Variants in DNA2 observed in about 807,000 individuals in gnomAD.
DNA2 encodes the protein DNA replication ATP-dependent helicase/nuclease DNA2.
DNA2 carries 101 observed loss-of-function variants against 119.1 expected under a neutral mutation model. The observed-to-expected ratio is 0.85, with a 90% CI of 0.72 to 1.00. DNA2 has a LOEUF of 1.00. DNA2 is among the 50% of genes least tolerant of loss of function. The pLI is 0.00. For synonymous variants in DNA2, 366 were observed against 424.4 expected, an observed-to-expected ratio of 0.86 and a Z score of 1.69; for missense variants, 1,121 against 1,255.5, an observed-to-expected ratio of 0.89 and a Z score of 1.62.
chr10:68,440,031 C>A (rs1258835155), intron 9 of DNA2, among the ~76,000 whole-genome samples: 1 of 151,272 alleles, frequency 6.6e-6, no homozygotes, highest in Non-Finnish European at 1.5e-5. Flanking sequence ...TGGCTGGGTG[C>A]AGTGGCTCAC....
chr10:68,439,511 G>A lies in DNA2; in HGVS notation c.1416-2270C>T, dbSNP rs568706922. Among the ~76,000 whole-genome samples the A allele has an allele frequency of 2.6e-3, 393 of 151,926 alleles. 2 individuals are homozygous for A. Among genetic ancestry groups the A allele is most frequent in the African/African-American group, 9.0e-3 (374 of 41,436 alleles). On this transcript the variant is annotated intron_variant, in intron 9 of 20. Coordinates refer to ENST00000358410, the MANE Select transcript of DNA2 (RefSeq NM_001080449.3). Reference sequence around the variant, plus strand: ...GAGATCAGGAGATCAAGACCATCCTGGCTAACACGGTGAAACCCCGTTTCT... The same window carrying A: ...GAGATCAGGAGATCAAGACCATCCTAGCTAACACGGTGAAACCCCGTTTCT...
chr10:68,453,057 C>T (rs571257196), intron 5 of DNA2, among the ~76,000 whole-genome samples: 12 of 151,882 alleles, frequency 7.9e-5, no homozygotes, highest in African/African-American at 2.7e-4. Flanking sequence ...TGCACCACCA[C>T]GCCTGGCTAA....
chr10:68,414,960 T>C lies in DNA2; in HGVS notation c.*79A>G, dbSNP rs2051569109. 3.4e-6 allele frequency: 3 copies of C among 884,276 alleles called. No homozygotes were observed. Among genetic ancestry groups the C allele is most frequent in the African/African-American group, 3.4e-5 (2 of 59,288 alleles). The allele number at this position is 884,276 out of a possible 1,614,324, so 54.8% of individuals were successfully genotyped here. A position where few individuals can be genotyped will look rare whatever the true frequency, so the allele number is the denominator to read the frequency against. On this transcript the variant is annotated 3_prime_UTR_variant, in exon 21 of 21. Transcript: ENST00000358410. ...AACATAAATACTGCATTAAATTTTG[T>C]ATGGTGATAGAATTTTCTGTATGGG...
At chr10:68,437,656 CAAAAACAAAAACA>C (rs933267951) in intron 9 of DNA2, among the ~76,000 whole-genome samples, 2 of 18,294 alleles carry the variant, frequency 1.1e-4, no homozygotes, top group Non-Finnish European at 4.5e-4. Flanking sequence ...CTCTCAAAAA[CAAAAACAAAAACA>C]AAAACAAAAC....
intron 6 of DNA2, 35 bp from the exon 7 acceptor site, chr10:68,446,448 A>G (rs758132558): frequency 9.7e-5 from 125 of 1,283,134 alleles, no homozygotes; most frequent in Non-Finnish European, 1.3e-4. Flanking sequence ...AAACAAAACT[A>G]TAACTTCTTG....
At chr10:68,446,512 A>G (rs2052042230) in intron 6 of DNA2, 99 bp from the exon 7 acceptor site, 2 of 740,814 alleles carry the variant, frequency 2.7e-6, no homozygotes, top group Non-Finnish European at 4.4e-6. Flanking sequence ...CAAAAGATCA[A>G]TAAAGTTATT....
At chr10:68,423,839 G>A (rs1428241282) in intron 14 of DNA2, among the ~76,000 whole-genome samples, 3 of 152,188 alleles carry the variant, frequency 2.0e-5, no homozygotes, top group African/African-American at 7.2e-5. Flanking sequence ...GCTGAGTGGG[G>A]AACCCACACT....
chr10:68,416,181 A>G (rs935775673), intron 20 of DNA2, among the ~76,000 whole-genome samples: 1 of 152,138 alleles, frequency 6.6e-6, no homozygotes, highest in Admixed American at 6.6e-5. Context: ...CTTGGGGGAA[A>G]AAAAGGCTGA....
At chr10:68,419,742 C>T in intron 18 of DNA2, 61 bp downstream of exon 18, 3 of 1,244,458 alleles carry the variant, frequency 2.4e-6, no homozygotes, top group East Asian at 2.3e-5. Flanking sequence ...AAGTGTCTTA[C>T]AGTCTAACAT....
intron 9 of DNA2, among the ~76,000 whole-genome samples, chr10:68,441,178 AAGTT>A (rs1329057818): frequency 1.3e-5 from 2 of 151,334 alleles, no homozygotes; most frequent in African/African-American, 4.9e-5. Context: ...AAAAAAAAAA[AAGTT>A]AGCCAAGTTT....
At chr10:68,436,779 G>A (rs957321716) in intron 10 of DNA2, 5 of 360,328 alleles carry the variant, frequency 1.4e-5, no homozygotes, top group African/African-American at 4.2e-5. Flanking sequence ...TGGTTGCCAC[G>A]GGCTGGGGAA....
At chr10:68,442,379 C>T (rs1351089697) in intron 9 of DNA2, among the ~76,000 whole-genome samples, 3 of 151,580 alleles carry the variant, frequency 2.0e-5, no homozygotes, top group Non-Finnish European at 4.4e-5. Flanking sequence ...CCACCACGCC[C>T]GGCTAATTTT....
At chr10:68,416,685 CCA>C (rs753016188) in intron 20 of DNA2, 22 bp downstream of exon 20, 10 of 1,597,368 alleles carry the variant, frequency 6.3e-6, no homozygotes, top group Non-Finnish European at 6.9e-6. Context: ...TCAAATGTGA[CCA>C]TATACAGAAG....
At chr10:68,417,026 T>C (rs2051597828) in intron 19 of DNA2, among the ~76,000 whole-genome samples, 171 bp from the exon 20 acceptor site, 1 of 152,106 alleles carries the variant, frequency 6.6e-6, no homozygotes, top group South Asian at 2.1e-4. Flanking sequence ...GGTGGATCAC[T>C]GGAGACCAGA....
At chr10:68,470,456 A>C in intron 1 of DNA2, 1 of 364,442 alleles carries the variant, frequency 2.7e-6, no homozygotes, top group Non-Finnish European at 5.2e-6. Flanking sequence ...GAGGATTAAG[A>C]ATAAACTGGA....
intron 5 of DNA2, 83 bp downstream of exon 5, chr10:68,459,021 T>C: frequency 8.0e-7 from 1 of 1,250,436 alleles, no homozygotes; most frequent in Non-Finnish European, 1.1e-6. Flanking sequence ...ACTCAATCTT[T>C]AAAAACTTTG....
At chr10:68,424,919 A>G in intron 14 of DNA2, 1 of 701,510 alleles carries the variant, frequency 1.4e-6, no homozygotes, top group South Asian at 1.5e-5. Flanking sequence ...AAATTATTGA[A>G]CACAAAGCCA....
In DNA2 at chr10:68,418,122, T is replaced by C. The variant is rs894219005; in HGVS notation, c.2967+912A>G. ...ACTAATTAAACTGTACACCTAAAAA[T>C]GGTAAGATGGGCTGGGCACAGTGGC... On this transcript the variant is annotated intron_variant, in intron 19 of 20. Transcript: ENST00000358410. Among the ~76,000 whole-genome samples, 4 of 152,164 alleles carry C rather than the reference T, an allele frequency of 2.6e-5. No homozygotes were observed. The East Asian group carries it at 7.7e-4, about 29-fold the overall frequency.
At chr10:68,420,342 G>A (rs1024511545) in intron 17 of DNA2, among the ~76,000 whole-genome samples, 14 of 152,180 alleles carry the variant, frequency 9.2e-5, no homozygotes, top group Admixed American at 9.2e-4. Flanking sequence ...TTGGAGACCA[G>A]CCTGGCCAAC....
Sources: gnomAD v4.1 joint callset for allele counts (sites outside exome capture counted in the v4.1 genomes callset) on GRCh38, gnomAD v4.1.1 for gene constraint, MANE v1.5 for transcripts, NCBI Gene and HGNC (gene_info 2026-07-23, HGNC 2026-07-21) for gene names.